AMZ1: variants seen among roughly 807,000 people sequenced by gnomAD.
The protein encoded by AMZ1 is archaemetzincin-1.
A neutral mutation model predicts 29.9 loss-of-function variants in AMZ1; 39 were observed. That is an observed-to-expected ratio of 1.30 (90% CI 1.01 to 1.70). The LOEUF (loss-of-function observed/expected upper bound fraction) is 1.70, where lower values mean the gene tolerates loss of function less well. AMZ1 is among the 40% of genes most tolerant of loss of function. The pLI, the probability that AMZ1 is intolerant of heterozygous loss-of-function variation, is 0.00. For missense variants in AMZ1, 1,041 were observed against 680.6 expected (o/e 1.53, Z -5.89); for synonymous variants, 458 against 304.0 (o/e 1.51, Z -5.27).
chr7:2,761,055 C>T (rs763885805), upstream of AMZ1, among the ~76,000 whole-genome samples: 19 of 152,204 alleles, frequency 1.2e-4, no homozygotes, highest in Non-Finnish European at 2.2e-4. Context: ...GACATGTAAA[C>T]GGAGTCAGGA....
intron 4 of AMZ1, 56 bp downstream of exon 4, chr7:2,708,772 C>T (rs1022228101): frequency 4.4e-6 from 7 of 1,607,560 alleles, no homozygotes; most frequent in African/African-American, 4.0e-5. Context: ...GGGGCTGTGG[C>T]CTCCGTGGCT....
intron 6 of AMZ1, among the ~76,000 whole-genome samples, chr7:2,710,990 C>T (rs1391894633): frequency 6.6e-6 from 1 of 152,218 alleles, no homozygotes; most frequent in South Asian, 2.1e-4. Context: ...GATGCCTTCA[C>T]CTGGGGTCTT....
In AMZ1 at chr7:2,692,992, C is replaced by T. The variant is rs143241313; in HGVS notation, c.-219+4696C>T. Among the ~76,000 whole-genome samples, 408 of 152,346 alleles carry T rather than the reference C, an allele frequency of 2.7e-3. 2 individuals are homozygous for T. Among genetic ancestry groups the T allele is most frequent in the African/African-American group, 9.2e-3 (382 of 41,572 alleles). On this transcript the variant is annotated intron_variant, in intron 1 of 6. Transcript: ENST00000683327. ...GGTCTGCCCCTCCTCCCCGCTGCCT[C>T]CTTGCTCAGAGATCCCACCTCAATG...
At chr7:2,721,585 A>G (rs190629090), downstream of AMZ1, among the ~76,000 whole-genome samples, 243 of 152,242 alleles carry the variant, frequency 1.6e-3, 1 homozygote, top group Middle Eastern at 3.4e-3. Context: ...GTGTGGTGTC[A>G]GATGCCTGTA....
intron 4 of AMZ1, among the ~76,000 whole-genome samples, chr7:2,734,887 G>A (rs745481717): frequency 2.0e-5 from 3 of 152,164 alleles, no homozygotes; most frequent in Non-Finnish European, 4.4e-5. Context: ...AGTAGGGAAG[G>A]CATCGGGAGT....
At chr7:2,680,594 C>A (rs112729869) in intron 1 of AMZ1, among the ~76,000 whole-genome samples, 8 of 152,222 alleles carry the variant, frequency 5.3e-5, no homozygotes, top group Non-Finnish European at 1.2e-4. Flanking sequence ...TTTTCACCCC[C>A]GACCCCAGCT....
chr7:2,749,519 G>C (rs1030350821), intron 4 of AMZ1, among the ~76,000 whole-genome samples: 5 of 150,986 alleles, frequency 3.3e-5, no homozygotes, highest in African/African-American at 1.2e-4. Context: ...TGTGGGGTAG[G>C]GGGAGGGGGG....
In AMZ1 at chr7:2,736,495, G is replaced by A. The variant is rs578205919; in HGVS notation, n.550+26679G>A. ...GTCTGTCCTCTCACGAGCAACAGAA[G>A]GGATGAACCTGAGCAGGGGCTGGTG... On this transcript the variant is annotated intron_variant and non_coding_transcript_variant, in intron 4 of 4. Transcript: ENST00000489665. Among the ~76,000 whole-genome samples, 950 of 152,340 alleles carry A rather than the reference G, an allele frequency of 6.2e-3. 6 individuals carry two copies. Among genetic ancestry groups the A allele is most frequent in the African/African-American group, 0.022 (912 of 41,578 alleles).
At chr7:2,723,806 G>A (rs798543), downstream of AMZ1, among the ~76,000 whole-genome samples, 106,850 of 152,122 alleles carry the variant, frequency 0.7, 37,901 homozygotes, top group Non-Finnish European at 0.72. Flanking sequence ...AGAGAGCCCC[G>A]GAGCTGGGCC....
chr7:2,708,937 G>T, intron 4 of AMZ1, 138 bp from the exon 5 acceptor site: 1 of 1,282,412 alleles, frequency 7.8e-7, no homozygotes, highest in Non-Finnish European at 1.1e-6. Context: ...ACTTCATGTG[G>T]GCAGGACAGG....
rs368332941 is a variant in AMZ1, at chr7:2,702,816, G to A, written c.399G>A (p.Pro133=). The A allele has an allele frequency of 2.7e-4, 415 of 1,556,400 alleles. No individual in the cohort carries two copies. The highest frequency in any genetic ancestry group is 3.3e-4 in the Non-Finnish European group (379 of 1,155,094). Residue 133 remains proline (P), a synonymous_variant, in exon 3 of 7, where the codon CCG becomes CCA. Transcript: ENST00000683327. The part of the protein sequence containing the change: ...FFLGLRVKCL[P]SVAAASIRCS... Reference sequence around the variant, plus strand: ...TGGGCCTGCGCGTCAAGTGCCTGCCGTCGGTGGCAGCCGCGTCCATCCGCT... The same window carrying A: ...TGGGCCTGCGCGTCAAGTGCCTGCCATCGGTGGCAGCCGCGTCCATCCGCT...
In AMZ1 at chr7:2,718,084, G is replaced by A. The variant is rs576648298; in HGVS notation, c.*5206G>A. Among the ~76,000 whole-genome samples the A allele has an allele frequency of 3.3e-5, 5 of 152,256 alleles. No homozygotes were observed. Among genetic ancestry groups the A allele is most frequent in the Admixed American group, 6.5e-5 (1 of 15,310 alleles). ...CTCTCTGAGAGGGGCCCGAGCTCTC[G>A]CAAGATTAACCAGAGACGACACCTA... On this transcript the variant is annotated 3_prime_UTR_variant, in exon 7 of 7. Coordinates refer to ENST00000683327, the MANE Select transcript of AMZ1 (RefSeq NM_001384743.1).
rs977114207 is a variant in AMZ1, at chr7:2,719,223, T to A, written c.*6345T>A. Among the ~76,000 whole-genome samples the A allele has an allele frequency of 6.6e-6, 1 of 151,208 alleles. No homozygotes were observed. The highest frequency in any genetic ancestry group is 1.5e-5 in the Non-Finnish European group (1 of 67,678). On this transcript the variant is annotated 3_prime_UTR_variant, in exon 7 of 7. Transcript: ENST00000683327. ...CAGGTGGCCCCTGTCGGAAGGGGGG[T>A]GTCTCTTTATTCCTGCCATCCTCCG...
intron 4 of AMZ1, among the ~76,000 whole-genome samples, chr7:2,744,808 G>A (rs994300624): frequency 3.9e-5 from 6 of 152,180 alleles, no homozygotes; most frequent in African/African-American, 1.4e-4. Flanking sequence ...AATAACCAAT[G>A]CAGAGAAGTC....
Position 2,709,222 on chromosome 7 carries a change from T to C in AMZ1, c.749T>C (p.Leu250Pro), listed in dbSNP as rs143291176. ...DRGWALCFSA[L>P]GMVQCCKVTC... ...GGCTGGGCCCTGTGCTTCAGTGCCC[T>C]GGGGATGGTTCAGTGCTGCAAGGTG... Residue 250 changes from leucine (L) to proline (P), a missense_variant, in exon 5 of 7, where the codon CTG (leucine) becomes CCG (proline). Leu to Pro is a moderately conservative substitution (Grantham distance 98). Coordinates refer to ENST00000683327, the MANE Select transcript of AMZ1 (RefSeq NM_001384743.1). 3.8e-4 allele frequency: 568 copies of C among 1,508,034 alleles called. 3 individuals carry two copies. In the African/African-American group the frequency reaches 6.9e-3, roughly 18 times the overall value. 93.4% of individuals were successfully genotyped at this position (1,508,034 alleles called of 1,614,324 possible).
intron 1 of AMZ1, among the ~76,000 whole-genome samples, chr7:2,680,357 G>A (rs936304827): frequency 1.3e-5 from 2 of 152,122 alleles, no homozygotes; most frequent in Non-Finnish European, 2.9e-5. Context: ...TGCCAGGCTG[G>A]GCAGGTGTGC....
chr7:2,757,861 AT>A (rs1286550112), intron 4 of AMZ1, among the ~76,000 whole-genome samples: 1 of 152,180 alleles, frequency 6.6e-6, no homozygotes, highest in East Asian at 1.9e-4. Context: ...GACTTTTTAA[AT>A]GGCAGCTTAA....
At position 2,717,483 on chromosome 7, in the gene AMZ1, C is replaced by T. The variant is rs1156985071; in HGVS notation, c.*4605C>T. On this transcript the variant is annotated 3_prime_UTR_variant, in exon 7 of 7. Transcript: ENST00000683327. ...GTACCCAAGGGCTCTCTGGAGCTCA[C>T]CCCGCACGCAGGCTGCTCCAGAGCT... is the stretch of plus-strand genomic sequence containing the variant. Among the ~76,000 whole-genome samples the T allele has an allele frequency of 6.6e-6, 1 of 152,234 alleles. No homozygotes were observed. Among genetic ancestry groups the T allele is most frequent in the East Asian group, 1.9e-4 (1 of 5,190 alleles).
chr7:2,687,019 T>C (rs374585343), upstream of AMZ1, among the ~76,000 whole-genome samples: 7 of 151,952 alleles, frequency 4.6e-5, no homozygotes, highest in African/African-American at 1.4e-4. Context: ...AGCCGTGTTA[T>C]TTCTTAAGGC....
Sources: gnomAD v4.1 joint callset for allele counts (sites outside exome capture counted in the v4.1 genomes callset) on GRCh38, gnomAD v4.1.1 for gene constraint, MANE v1.5 for transcripts, NCBI Gene and HGNC (gene_info 2026-07-23, HGNC 2026-07-21) for gene names.